Variants in SRGAP1 observed in about 807,000 individuals in gnomAD.
The protein encoded by SRGAP1 is SLIT-ROBO Rho GTPase-activating protein 1.
Under a neutral mutation model 121.9 loss-of-function variants are expected in SRGAP1, and 43 were observed. The observed-to-expected ratio is 0.35, with a 90% CI of 0.28 to 0.46. SRGAP1 has a LOEUF of 0.46. Among genes scored for constraint, SRGAP1 ranks in the 20% least tolerant of loss-of-function variants. SRGAP1 has a pLI of 1.00. For missense variants in SRGAP1, 1,102 were observed against 1,350.9 expected (o/e 0.82, Z 2.89); for synonymous variants, 447 against 485.4 (o/e 0.92, Z 1.04).
chr12:63,846,436 G>A (rs555741162), intron 1 of SRGAP1, among the ~76,000 whole-genome samples: 1 of 152,058 alleles, frequency 6.6e-6, no homozygotes, highest in East Asian at 1.9e-4. Context: ...TTTTTCTGCC[G>A]CCTAGAGCAC....
intron 1 of SRGAP1, among the ~76,000 whole-genome samples, chr12:63,881,639 G>A (rs148582678): frequency 6.6e-6 from 1 of 152,302 alleles, no homozygotes; most frequent in East Asian, 1.9e-4. Context: ...AGCACCGAGT[G>A]GTGCCAATAT....
chr12:63,884,966 C>A (rs576532576), intron 1 of SRGAP1, among the ~76,000 whole-genome samples: 1 of 152,008 alleles, frequency 6.6e-6, no homozygotes, highest in Non-Finnish European at 1.5e-5. Context: ...GTGATCCGCC[C>A]GCCTCGGCCT....
At chr12:63,981,236 G>T (rs1017367577) in intron 1 of SRGAP1, among the ~76,000 whole-genome samples, 1 of 152,100 alleles carries the variant, frequency 6.6e-6, no homozygotes, top group Non-Finnish European at 1.5e-5. Flanking sequence ...ATGGAAGTAA[G>T]CAAGAAAATA....
intron 14 of SRGAP1, among the ~76,000 whole-genome samples, chr12:64,096,723 G>A (rs1006108935): frequency 6.6e-5 from 10 of 152,122 alleles, no homozygotes; most frequent in African/African-American, 2.2e-4. Flanking sequence ...GCCTTCAGAT[G>A]TGCTGTGAAC....
intron 3 of SRGAP1, among the ~76,000 whole-genome samples, chr12:63,990,318 G>A (rs1035320834): frequency 6.6e-6 from 1 of 152,172 alleles, no homozygotes; most frequent in Non-Finnish European, 1.5e-5. Context: ...TGGATCACGA[G>A]GCCAAGAGAT....
chr12:64,081,999 G>GTTTTTT (rs1362308440), intron 10 of SRGAP1: 8 of 7,472 alleles, frequency 1.1e-3, no homozygotes, highest in African/African-American at 1.5e-3. Context: ...GTCATGTAAG[G>GTTTTTT]TCTTTTTTTT....
chr12:63,952,345 C>A (rs969233832), intron 1 of SRGAP1, among the ~76,000 whole-genome samples: 1 of 152,098 alleles, frequency 6.6e-6, no homozygotes, highest in Non-Finnish European at 1.5e-5. Flanking sequence ...GACCACATTT[C>A]TACAAAAAAA....
chr12:63,965,173 C>T (rs938822060), intron 1 of SRGAP1, among the ~76,000 whole-genome samples: 1 of 152,034 alleles, frequency 6.6e-6, no homozygotes, highest in Non-Finnish European at 1.5e-5. Context: ...TGGGAGGGGC[C>T]CAGTGACAGT....
chr12:63,986,603 A>G (rs1183629573), intron 2 of SRGAP1, among the ~76,000 whole-genome samples: 2 of 152,098 alleles, frequency 1.3e-5, no homozygotes, highest in African/African-American at 2.4e-5. Flanking sequence ...TTGTATTTTT[A>G]CTAGAGACAG....
chr12:63,939,915 A>G (rs913649231), intron 1 of SRGAP1, among the ~76,000 whole-genome samples: 1 of 152,024 alleles, frequency 6.6e-6, no homozygotes, highest in South Asian at 2.1e-4. Context: ...CTTCACTCCT[A>G]ACCATTTTCT....
chr12:64,024,285 G>T (rs2034608565), intron 4 of SRGAP1, among the ~76,000 whole-genome samples: 2 of 152,088 alleles, frequency 1.3e-5, no homozygotes, highest in South Asian at 2.1e-4. Flanking sequence ...AATAAATTTA[G>T]CTGGGTGTGG....
intron 21 of SRGAP1, among the ~76,000 whole-genome samples, 176 bp downstream of exon 21, chr12:64,128,376 T>C (rs1338423327): frequency 6.6e-6 from 1 of 152,238 alleles, no homozygotes; most frequent in Non-Finnish European, 1.5e-5. Context: ...GAGTCTTTTT[T>C]GAACAATTTG....
intron 3 of SRGAP1, among the ~76,000 whole-genome samples, chr12:64,011,163 A>G (rs2034241292): frequency 6.7e-6 from 1 of 149,498 alleles, no homozygotes; most frequent in African/African-American, 2.5e-5. Context: ...AGTGAAGTAG[A>G]CTAGTTAGGC....
In SRGAP1 at chr12:64,145,997, C is replaced by T. The variant is rs2136659274; in HGVS notation, c.*3325C>T. On this transcript the variant is annotated 3_prime_UTR_variant, in exon 22 of 22. Transcript: ENST00000355086. ...GCTGATATAACTGTGTGTTCACATCCCATCCATAGAACTCACTGAAGGAGA... is the reference window on the plus strand; with the variant it reads ...GCTGATATAACTGTGTGTTCACATCTCATCCATAGAACTCACTGAAGGAGA... The T allele has an allele frequency of 6.6e-6, 1 of 152,256 alleles. No individual in the cohort carries two copies. The highest frequency in any genetic ancestry group is 3.4e-3 in the Middle Eastern group (1 of 294). 9.4% of individuals were successfully genotyped at this position (152,256 alleles called of 1,614,324 possible).
intron 18 of SRGAP1, chr12:64,116,109 T>C (rs1389270852): frequency 8.4e-6 from 4 of 478,666 alleles, no homozygotes; most frequent in African/African-American, 2.0e-5. Context: ...TACAAAAAAT[T>C]AGCCAGGCGT....
chr12:64,036,275 T>C (rs1446574670), intron 4 of SRGAP1, among the ~76,000 whole-genome samples: 1 of 152,146 alleles, frequency 6.6e-6, no homozygotes, highest in African/African-American at 2.4e-5. Context: ...TTCCTGGGGT[T>C]CAGCTGAAGG....
At chr12:63,930,421 G>C (rs1396138536) in intron 1 of SRGAP1, among the ~76,000 whole-genome samples, 3 of 150,384 alleles carry the variant, frequency 2.0e-5, no homozygotes, top group Non-Finnish European at 2.9e-5. Flanking sequence ...TATTTGAAGT[G>C]CTTGAGGGGG....
At chr12:63,908,154 G>A (rs2030309043) in intron 1 of SRGAP1, among the ~76,000 whole-genome samples, 2 of 150,324 alleles carry the variant, frequency 1.3e-5, no homozygotes, top group Non-Finnish European at 3.0e-5. Flanking sequence ...CTTTAACTTT[G>A]TTCTTTTCAA....
At chr12:64,004,800 C>G (rs565523575) in intron 3 of SRGAP1, among the ~76,000 whole-genome samples, 1 of 152,204 alleles carries the variant, frequency 6.6e-6, no homozygotes, top group Non-Finnish European at 1.5e-5. Flanking sequence ...GTTGAGGTGT[C>G]TGCAGTTGAG....
Sources: gnomAD v4.1 joint callset for allele counts (sites outside exome capture counted in the v4.1 genomes callset) on GRCh38, gnomAD v4.1.1 for gene constraint, MANE v1.5 for transcripts, NCBI Gene and HGNC (gene_info 2026-07-23, HGNC 2026-07-21) for gene names.